The following ARL8B variants were observed in gnomAD, a reference collection of about 807,000 sequenced individuals.
ARL8B encodes the protein ADP-ribosylation factor-like protein 8B.
Under a neutral mutation model 30.6 loss-of-function variants are expected in ARL8B, and 9 were observed. That is an observed-to-expected ratio of 0.29 (90% confidence interval 0.18 to 0.51). ARL8B has a LOEUF of 0.51. Among genes scored for constraint, ARL8B ranks in the 20% least tolerant of loss-of-function variants. The pLI is 0.97. For synonymous variants in ARL8B, 74 were observed against 76.0 expected (o/e 0.97, Z 0.14); for missense variants, 130 against 227.2 (o/e 0.57, Z 2.75).
intron 1 of ARL8B, among the ~76,000 whole-genome samples, chr3:5,137,874 C>T (rs890219066): frequency 2.6e-5 from 4 of 152,212 alleles, no homozygotes; most frequent in Non-Finnish European, 5.9e-5. Flanking sequence ...AGGCACGAGC[C>T]ACTGTGCCTA....
At chr3:5,143,088 G>C (rs1031523364) in intron 1 of ARL8B, among the ~76,000 whole-genome samples, 2 of 152,206 alleles carry the variant, frequency 1.3e-5, no homozygotes, top group African/African-American at 2.4e-5. Context: ...TTATTCACTT[G>C]TGAGAACTAT....
intron 1 of ARL8B, among the ~76,000 whole-genome samples, chr3:5,154,453 G>C (rs984496611): frequency 6.6e-6 from 1 of 151,590 alleles, no homozygotes; most frequent in African/African-American, 2.4e-5. Context: ...TCATGCCTCA[G>C]CCTCCCGAGT....
In ARL8B at chr3:5,170,530, C is replaced by A; in HGVS notation, c.151C>A (p.Pro51Thr). 6.2e-7 allele frequency: 1 copy of A among 1,612,452 alleles called. No homozygotes were observed. Among genetic ancestry groups the A allele is most frequent in the Non-Finnish European group, 8.5e-7 (1 of 1,179,180 alleles). The part of the protein sequence containing the change: ...ASGQFSEDMI[P>T]TVGFNMRKVT... ...AGGTCAATTCAGTGAAGATATGATA[C>A]CCACAGTGGGCTTCAACATGAGGAA... Residue 51 changes from proline (P) to threonine (T), a missense_variant, in exon 2 of 7, where the codon CCC (proline) becomes ACC (threonine). Physicochemically the swap from Pro to Thr is conservative, Grantham distance 38. Transcript: ENST00000256496.
chr3:5,130,534 G>T (rs79475055), intron 1 of ARL8B, among the ~76,000 whole-genome samples: 1,500 of 143,682 alleles, frequency 0.01, 25 homozygotes, highest in African/African-American at 0.034. Flanking sequence ...GTGTGTGTGT[G>T]TTTTTTTTTT....
intron 6 of ARL8B, among the ~76,000 whole-genome samples, chr3:5,176,759 A>G (rs926187392): frequency 1.3e-4 from 20 of 152,186 alleles, no homozygotes; most frequent in Non-Finnish European, 2.2e-4. Context: ...TTTTTTCTCT[A>G]TGTGGCGGGG....
At chr3:5,138,320 ACT>A (rs1400883565) in intron 1 of ARL8B, among the ~76,000 whole-genome samples, 1 of 151,568 alleles carries the variant, frequency 6.6e-6, no homozygotes, top group Non-Finnish European at 1.5e-5. Context: ...ACAAATAATG[ACT>A]CTCGTTCATT....
Position 5,122,492 on chromosome 3 carries a change from G to A in ARL8B, c.27G>A (p.Leu9=). 2 of 1,613,690 alleles carry A rather than the reference G, an allele frequency of 1.2e-6. No individual in the cohort carries two copies. MLALISRL[L]DWFRSLFWKE... ...TGCTGGCGCTCATCTCCCGCCTGCTGGACTGGTTCCGTTCGCTCTTCTGGA... is the reference window on the plus strand; with the variant it reads ...TGCTGGCGCTCATCTCCCGCCTGCTAGACTGGTTCCGTTCGCTCTTCTGGA... The change falls in exon 1 of 7, where the codon CTG becomes CTA. Residue 9 remains leucine (L), a synonymous_variant. Transcript: ENST00000256496.
At chr3:5,136,277 G>A (rs575673722) in intron 1 of ARL8B, among the ~76,000 whole-genome samples, 2 of 152,226 alleles carry the variant, frequency 1.3e-5, no homozygotes, top group South Asian at 4.1e-4. Flanking sequence ...CTTGCTTTAA[G>A]TAGACATTTA....
chr3:5,147,443 G>A (rs938355804), intron 1 of ARL8B, among the ~76,000 whole-genome samples: 1 of 152,004 alleles, frequency 6.6e-6, no homozygotes, highest in Admixed American at 6.5e-5. Context: ...CTTTGCTATT[G>A]GGGTCTTCTT....
chr3:5,178,369 T>C (rs1392133815), intron 6 of ARL8B, among the ~76,000 whole-genome samples: 1 of 151,508 alleles, frequency 6.6e-6, no homozygotes, highest in East Asian at 1.9e-4. Flanking sequence ...TTTTTTTTTT[T>C]TTGCCTTCCT....
intron 1 of ARL8B, among the ~76,000 whole-genome samples, chr3:5,148,777 A>T (rs1020239833): frequency 6.6e-6 from 1 of 152,222 alleles, no homozygotes; most frequent in Non-Finnish European, 1.5e-5. Context: ...TTTGGGCCAG[A>T]TAAAACAGCG....
Position 5,178,771 on chromosome 3 carries a change from TC to T in ARL8B, c.*60del. ...CTATAATCCTAGAATTATTGTCCGTTCCTCTGAAGTAATTCCCAGAATACGG... is the reference window on the plus strand; with the variant it reads ...CTATAATCCTAGAATTATTGTCCGTTCTCTGAAGTAATTCCCAGAATACGG... On this transcript the variant is annotated 3_prime_UTR_variant, in exon 7 of 7. Transcript: ENST00000256496. The T allele has an allele frequency of 6.2e-7, 1 of 1,608,270 alleles. No individual in the cohort carries two copies. The highest frequency in any genetic ancestry group is 8.5e-7 in the Non-Finnish European group (1 of 1,179,256).
intron 1 of ARL8B, among the ~76,000 whole-genome samples, chr3:5,130,778 C>T (rs1023954125): frequency 1.6e-4 from 24 of 151,766 alleles, no homozygotes; most frequent in African/African-American, 4.1e-4. Context: ...TCAAGTGATC[C>T]GCCCGCCTCG....
At chr3:5,151,900 A>T (rs544072237) in intron 1 of ARL8B, among the ~76,000 whole-genome samples, 1 of 151,810 alleles carries the variant, frequency 6.6e-6, no homozygotes, top group African/African-American at 2.4e-5. Context: ...AATTTTTATA[A>T]TTTTTTTGTA....
At chr3:5,149,170 C>A (rs1340070038) in intron 1 of ARL8B, among the ~76,000 whole-genome samples, 1 of 152,232 alleles carries the variant, frequency 6.6e-6, no homozygotes, top group East Asian at 1.9e-4. Context: ...TACTTACAGT[C>A]TAATTTTCCT....
intron 1 of ARL8B, 131 bp from the exon 2 acceptor site, chr3:5,170,372 C>A (rs1003328609): frequency 5.9e-6 from 3 of 510,698 alleles, no homozygotes; most frequent in Non-Finnish European, 1.0e-5. Flanking sequence ...GGAACATGTT[C>A]TTAAAGTAGA....
At chr3:5,126,172 A>G (rs1187808295) in intron 1 of ARL8B, among the ~76,000 whole-genome samples, 1 of 151,362 alleles carries the variant, frequency 6.6e-6, no homozygotes, top group African/African-American at 2.4e-5. Flanking sequence ...CTTATAGAAT[A>G]TGTTGAGGAT....
At chr3:5,138,190 G>GTTT (rs35653002) in intron 1 of ARL8B, among the ~76,000 whole-genome samples, 51 of 141,514 alleles carry the variant, frequency 3.6e-4, no homozygotes, top group Non-Finnish European at 3.5e-4. Context: ...ATTGCTCTAA[G>GTTT]TTTTTTTTTT....
chr3:5,155,189 G>A (rs2054521073), intron 1 of ARL8B, among the ~76,000 whole-genome samples: 1 of 152,004 alleles, frequency 6.6e-6, no homozygotes, highest in Admixed American at 6.6e-5. Flanking sequence ...TAGGATTCTC[G>A]GTTAACAGTT....
Sources: allele counts gnomAD v4.1 joint callset (sites outside exome capture counted in the v4.1 genomes callset), GRCh38; gene constraint gnomAD v4.1.1; transcripts MANE v1.5; gene names NCBI Gene and HGNC (gene_info 2026-07-23, HGNC 2026-07-21).